FANCC: variants seen among roughly 807,000 people sequenced by gnomAD.
FANCC encodes the protein Fanconi anemia group C protein.
FANCC carries 55 observed loss-of-function variants against 71.3 expected under a neutral mutation model. That is an observed-to-expected ratio of 0.77 (90% CI 0.62 to 0.97). The LOEUF is 0.97. FANCC is among the 50% of genes least tolerant of loss of function. FANCC has a pLI of 0.00. For missense variants in FANCC, 678 were observed against 670.9 expected, an observed-to-expected ratio of 1.01 and a Z score of -0.12; for synonymous variants, 275 against 244.9, an observed-to-expected ratio of 1.12 and a Z score of -1.15.
intron 4 of FANCC, among the ~76,000 whole-genome samples, chr9:95,192,543 A>T (rs1316635532): frequency 6.6e-6 from 1 of 152,240 alleles, no homozygotes; most frequent in Non-Finnish European, 1.5e-5. Context: ...GTTCAACGCA[A>T]TTACGAATGA....
At chr9:95,270,773 G>A (rs540059948) in intron 1 of FANCC, among the ~76,000 whole-genome samples, 1 of 152,296 alleles carries the variant, frequency 6.6e-6, no homozygotes, top group East Asian at 1.9e-4. Flanking sequence ...GAGGTCCATT[G>A]GATTTTTTTA....
chr9:95,282,556 G>A (rs1377858658), intron 1 of FANCC, among the ~76,000 whole-genome samples: 1 of 152,086 alleles, frequency 6.6e-6, no homozygotes, highest in African/African-American at 2.4e-5. Context: ...AGAAACATCA[G>A]ATATGAACTG....
chr9:95,147,694 T>A (rs1314884066), intron 7 of FANCC, among the ~76,000 whole-genome samples: 1 of 152,248 alleles, frequency 6.6e-6, no homozygotes, highest in Non-Finnish European at 1.5e-5. Context: ...TTGTGTCTTA[T>A]GCAACAATAT....
intron 4 of FANCC, among the ~76,000 whole-genome samples, chr9:95,196,201 C>A (rs866538949): frequency 1.3e-5 from 2 of 152,032 alleles, no homozygotes; most frequent in Non-Finnish European, 2.9e-5. Flanking sequence ...AGTATTCAAT[C>A]TTTCACTATT....
chr9:95,269,106 A>C (rs1337946977), intron 1 of FANCC, among the ~76,000 whole-genome samples: 5 of 152,206 alleles, frequency 3.3e-5, no homozygotes, highest in Admixed American at 6.5e-5. Context: ...CCTGAAAAAG[A>C]AGCAGCATGC....
intron 4 of FANCC, among the ~76,000 whole-genome samples, chr9:95,195,333 A>C (rs1481334877): frequency 7.3e-6 from 1 of 136,464 alleles, no homozygotes; most frequent in Non-Finnish European, 1.5e-5. Flanking sequence ...ATAAGTTGTG[A>C]GGTTTAGGTT....
chr9:95,107,541 A>G (rs1588031241), intron 13 of FANCC: 12 of 551,110 alleles, frequency 2.2e-5, no homozygotes, highest in South Asian at 1.5e-4. Flanking sequence ...GAAACAGAGA[A>G]AAGTTCTCAA....
chr9:95,249,429 G>A lies in FANCC; in HGVS notation c.-78-60C>T, dbSNP rs2296577. Reference sequence around the variant, plus strand: ...AAGGCTCTTTTATCAGTGCCTTCACGACCCATTGATGGGTGAAGGAGGGAT... The same window carrying A: ...AAGGCTCTTTTATCAGTGCCTTCACAACCCATTGATGGGTGAAGGAGGGAT... On this transcript the variant is annotated intron_variant, in intron 1 of 14. Coordinates refer to ENST00000289081, the MANE Select transcript of FANCC (RefSeq NM_000136.3). The A allele has an allele frequency of 5.3e-5, 44 of 822,654 alleles. No homozygotes were observed. In the East Asian group the frequency reaches 6.4e-4, roughly 12 times the overall value. 51.0% of individuals were successfully genotyped at this position (822,654 alleles called of 1,614,324 possible).
rs2071032016 is a variant in FANCC, at chr9:95,100,280, A to ATACTT, written c.*1422_*1426dup. 4.3e-6 allele frequency: 1 copy of ATACTT among 232,786 alleles called. No individual in the cohort carries two copies. Among genetic ancestry groups the ATACTT allele is most frequent in the Admixed American group, 5.6e-5 (1 of 17,764 alleles). 14.4% of individuals were successfully genotyped at this position (232,786 alleles called of 1,614,324 possible). A position where few individuals can be genotyped will look rare whatever the true frequency, so the allele number is the denominator to read the frequency against. On this transcript the variant is annotated 3_prime_UTR_variant, in exon 15 of 15. Coordinates refer to ENST00000289081, the MANE Select transcript of FANCC (RefSeq NM_000136.3). ...GACCATGATGGCAGCTGCCACCAAA[A>ATACTT]TACTTTACCAGCACACCCTTCTGAC...
At chr9:95,290,754 T>C (rs1026308919) in intron 1 of FANCC, among the ~76,000 whole-genome samples, 1 of 152,100 alleles carries the variant, frequency 6.6e-6, no homozygotes, top group Admixed American at 6.5e-5. Context: ...CTGCTAAGAA[T>C]AGGAGGCAAA....
At chr9:95,289,488 GATA>G (rs554913431) in intron 1 of FANCC, among the ~76,000 whole-genome samples, 2 of 152,094 alleles carry the variant, frequency 1.3e-5, no homozygotes, top group Non-Finnish European at 2.9e-5. Flanking sequence ...TTCACGGGGG[GATA>G]ATAATTTCAT....
At chr9:95,202,154 G>A (rs766675466) in intron 4 of FANCC, among the ~76,000 whole-genome samples, 7 of 152,160 alleles carry the variant, frequency 4.6e-5, no homozygotes, top group Admixed American at 2.6e-4. Context: ...TATTAAGCTC[G>A]GAGAAGGAGG....
chr9:95,106,952 C>T, intron 14 of FANCC, 114 bp downstream of exon 14: 1 of 1,030,776 alleles, frequency 9.7e-7, no homozygotes, highest in Non-Finnish European at 1.5e-6. Context: ...TTTATCTGTG[C>T]TGGGCAGCAT....
intron 4 of FANCC, among the ~76,000 whole-genome samples, chr9:95,229,102 A>C (rs1392608683): frequency 6.6e-6 from 1 of 152,164 alleles, no homozygotes; most frequent in East Asian, 1.9e-4. Context: ...GTTCAAGACC[A>C]GCCTGGCCAA....
At chr9:95,276,566 C>T (rs1208247652) in intron 1 of FANCC, among the ~76,000 whole-genome samples, 3 of 152,056 alleles carry the variant, frequency 2.0e-5, no homozygotes, top group African/African-American at 7.2e-5. Context: ...CTTGTCATAC[C>T]CCAAGAATTA....
At chr9:95,134,284 C>T (rs562977154) in intron 8 of FANCC, among the ~76,000 whole-genome samples, 10 of 152,274 alleles carry the variant, frequency 6.6e-5, no homozygotes, top group African/African-American at 2.4e-4. Flanking sequence ...ACACAGAAGT[C>T]CCAACTGAAC....
rs143212932 is a variant in FANCC at position 95,249,188 on chromosome 9, C to G, written c.104G>C (p.Cys35Ser). 1.3e-5 allele frequency: 21 copies of G among 1,614,124 alleles called. No homozygotes were observed. The African/African-American group carries it at 2.3e-4, about 17-fold the overall frequency. The change falls in exon 2 of 15, where the codon TGT (cysteine) becomes TCT (serine). Residue 35 changes from cysteine to serine, a missense_variant. Transcript: ENST00000289081. Reference protein sequence around the residue: ...ASTLETQQDTCLHVAQFQEFL... With the variant: ...ASTLETQQDTSLHVAQFQEFL... ...CTCCTGGAACTGAGCCACGTGAAGA[C>G]AGGTGTCTTGCTGGGTTTCCAAAGT...
chr9:95,101,123 G>A lies in FANCC; in HGVS notation c.*584C>T, dbSNP rs987176686. 3.8e-5 allele frequency: 9 copies of A among 239,618 alleles called. No homozygotes were observed. Among genetic ancestry groups the A allele is most frequent in the Middle Eastern group, 1.2e-3 (1 of 806 alleles). 14.8% of individuals were successfully genotyped at this position (239,618 alleles called of 1,614,324 possible). A position where few individuals can be genotyped will look rare whatever the true frequency, so the allele number is the denominator to read the frequency against. On this transcript the variant is annotated 3_prime_UTR_variant, in exon 15 of 15. Transcript: ENST00000289081. ...AAATACAGAGTGGAAAGAGTGTGCC[G>A]GAGGCCCGGGCTTGGGTGTGCTGTC...
At chr9:95,271,712 C>T (rs867264909) in intron 1 of FANCC, among the ~76,000 whole-genome samples, 1 of 152,038 alleles carries the variant, frequency 6.6e-6, no homozygotes, top group Middle Eastern at 3.4e-3. Flanking sequence ...AGCAAAGTTA[C>T]ATCTTGCTTT....
Sources: gnomAD v4.1 joint callset for allele counts (sites outside exome capture counted in the v4.1 genomes callset) on GRCh38, gnomAD v4.1.1 for gene constraint, MANE v1.5 for transcripts, NCBI Gene and HGNC (gene_info 2026-07-23, HGNC 2026-07-21) for gene names.